The following DNAJC1 variants were observed in gnomAD, a reference collection of about 807,000 sequenced individuals.
The protein encoded by DNAJC1 is DnaJ heat shock protein family (Hsp40) member C1.
A neutral mutation model predicts 76.6 loss-of-function variants in DNAJC1; 58 were observed. The observed-to-expected ratio is 0.76, with a 90% confidence interval of 0.61 to 0.94. The LOEUF is 0.94. Ranked by LOEUF, DNAJC1 falls within the 40% of genes least tolerant of loss-of-function variation. DNAJC1 has a pLI of 0.00. For missense variants in DNAJC1, 689 were observed against 677.3 expected (o/e 1.02, Z -0.19); for synonymous variants, 258 against 267.9 (o/e 0.96, Z 0.36).
intron 8 of DNAJC1, among the ~76,000 whole-genome samples, chr10:21,854,549 T>C (rs1835803203): frequency 6.6e-6 from 1 of 152,060 alleles, no homozygotes; most frequent in African/African-American, 2.4e-5. Flanking sequence ...AGTGGTGCAT[T>C]TAGAGATACA....
intron 8 of DNAJC1, among the ~76,000 whole-genome samples, chr10:21,817,159 CA>C (rs1194285168): frequency 2.0e-3 from 121 of 59,882 alleles, no homozygotes; most frequent in South Asian, 3.8e-3. Flanking sequence ...GATTCCGTCT[CA>C]AAAAAAAAAA....
chr10:21,801,737 G>A (rs1228832806), intron 9 of DNAJC1, among the ~76,000 whole-genome samples: 1 of 152,032 alleles, frequency 6.6e-6, no homozygotes, highest in East Asian at 1.9e-4. Context: ...GGAATCAACC[G>A]AAATCCCATT....
Position 21,904,596 on chromosome 10 carries a change from T to A in DNAJC1, c.746A>T (p.Tyr249Phe). Residue 249 changes from tyrosine to phenylalanine, a missense_variant, in exon 7 of 12, where the codon TAT becomes TTT. Physicochemically the swap from Tyr to Phe is conservative, Grantham distance 22. Transcript: ENST00000376980. ...PHLIQDAGQFYAKYKETRLKE... is the reference protein window; with the variant it reads ...PHLIQDAGQFFAKYKETRLKE... ...CAATCTTGTTTCTTTATATTTAGCA[T>A]AAAACTGCCCAGCATCCTTAAGAAA... 1 of 1,604,582 alleles carries A rather than the reference T, an allele frequency of 6.2e-7. No homozygotes were observed. Among genetic ancestry groups the A allele is most frequent in the Non-Finnish European group, 8.5e-7 (1 of 1,175,354 alleles).
chr10:21,835,868 A>G (rs1443897753), intron 8 of DNAJC1, among the ~76,000 whole-genome samples: 1 of 152,222 alleles, frequency 6.6e-6, no homozygotes, highest in Non-Finnish European at 1.5e-5. Flanking sequence ...CCTGAAAGTG[A>G]CAGGGAGAAT....
intron 8 of DNAJC1, among the ~76,000 whole-genome samples, chr10:21,874,849 T>G (rs903417663): frequency 2.0e-5 from 3 of 152,196 alleles, no homozygotes; most frequent in Non-Finnish European, 4.4e-5. Context: ...TATTTAATAG[T>G]AACATGATAA....
Position 21,983,828 on chromosome 10 carries a change from G to T in DNAJC1, c.222+19385C>A, listed in dbSNP as rs550560067. Among the ~76,000 whole-genome samples, 15 of 152,220 alleles carry T rather than the reference G, an allele frequency of 9.9e-5. No individual in the cohort carries two copies. The South Asian group carries it at 3.1e-3, about 32-fold the overall frequency. ...TGCAGAGTTTCTGTTTGGGATGACG[G>T]AAAAGTATTAGAAATGAATAATGAA... On this transcript the variant is annotated intron_variant, in intron 1 of 11. Coordinates refer to ENST00000376980, the MANE Select transcript of DNAJC1 (RefSeq NM_022365.4).
intron 7 of DNAJC1, among the ~76,000 whole-genome samples, chr10:21,896,144 T>C (rs1836538374): frequency 6.6e-6 from 1 of 152,048 alleles, no homozygotes; most frequent in Non-Finnish European, 1.5e-5. Context: ...ACTAGGGAAA[T>C]GCCCAGTGGA....
chr10:21,987,466 G>C (rs1456343098), intron 1 of DNAJC1, among the ~76,000 whole-genome samples: 1 of 152,112 alleles, frequency 6.6e-6, no homozygotes, highest in East Asian at 1.9e-4. Context: ...CTAAACTGTG[G>C]TCTCATCCTC....
At chr10:21,842,627 T>A (rs1450391977) in intron 8 of DNAJC1, among the ~76,000 whole-genome samples, 2 of 152,136 alleles carry the variant, frequency 1.3e-5, no homozygotes, top group Non-Finnish European at 2.9e-5. Context: ...TTTAAAGATG[T>A]AAATTGAGAA....
At chr10:21,847,931 G>A (rs1172545318) in intron 8 of DNAJC1, among the ~76,000 whole-genome samples, 2 of 152,048 alleles carry the variant, frequency 1.3e-5, no homozygotes, top group South Asian at 2.1e-4. Context: ...GGGCATGCAG[G>A]TATCACTTTG....
intron 8 of DNAJC1, among the ~76,000 whole-genome samples, chr10:21,867,871 A>C (rs1836031301): frequency 6.6e-6 from 1 of 151,854 alleles, no homozygotes; most frequent in Admixed American, 6.6e-5. Flanking sequence ...CAGGAGTTTG[A>C]GACCAGCCTG....
chr10:21,789,571 A>G (rs1034029381), intron 9 of DNAJC1, among the ~76,000 whole-genome samples: 4 of 152,204 alleles, frequency 2.6e-5, no homozygotes, highest in African/African-American at 9.7e-5. Context: ...ACTTAAGGAA[A>G]CTCACCAAGA....
intron 1 of DNAJC1, among the ~76,000 whole-genome samples, chr10:21,962,147 C>T (rs1308812320): frequency 6.6e-6 from 1 of 152,104 alleles, no homozygotes; most frequent in Non-Finnish European, 1.5e-5. Context: ...GTAACTAGTA[C>T]ATAATACATA....
intron 1 of DNAJC1, among the ~76,000 whole-genome samples, chr10:21,933,915 C>T (rs1564831599): frequency 1.3e-5 from 2 of 151,774 alleles, no homozygotes; most frequent in African/African-American, 2.4e-5. Context: ...ATGTATTGTA[C>T]ATAATATTTG....
At chr10:22,003,092 G>A (rs915632947) in intron 1 of DNAJC1, 121 bp downstream of exon 1, 20 of 1,329,492 alleles carry the variant, frequency 1.5e-5, no homozygotes, top group Non-Finnish European at 1.8e-5. Context: ...CCGAGCTGAG[G>A]GCAGCCAGAG....
chr10:21,937,272 G>GA (rs1293385436), intron 1 of DNAJC1, among the ~76,000 whole-genome samples: 4 of 151,982 alleles, frequency 2.6e-5, no homozygotes, highest in Non-Finnish European at 5.9e-5. Context: ...GTGAATGGAT[G>GA]AAAAAAGATA....
At chr10:21,889,714 A>G (rs528885336) in intron 7 of DNAJC1, among the ~76,000 whole-genome samples, 1 of 152,314 alleles carries the variant, frequency 6.6e-6, no homozygotes, top group South Asian at 2.1e-4. Context: ...AAACACTAAC[A>G]GGCACAGACA....
intron 1 of DNAJC1, among the ~76,000 whole-genome samples, chr10:21,984,414 C>G (rs1048541768): frequency 2.0e-5 from 3 of 152,164 alleles, no homozygotes; most frequent in African/African-American, 7.2e-5. Context: ...TGCAAGATAT[C>G]TGGTACAGTA....
chr10:21,940,979 C>T (rs375204118), intron 1 of DNAJC1, among the ~76,000 whole-genome samples: 3 of 151,100 alleles, frequency 2.0e-5, no homozygotes, highest in South Asian at 2.1e-4. Context: ...TGGCCAGGCG[C>T]GGTAGCTCAC....
Sources: allele counts gnomAD v4.1 joint callset (sites outside exome capture counted in the v4.1 genomes callset), GRCh38; gene constraint gnomAD v4.1.1; transcripts MANE v1.5; gene names NCBI Gene and HGNC (gene_info 2026-07-23, HGNC 2026-07-21).